CDH4: variants seen among roughly 807,000 people sequenced by gnomAD.
CDH4 encodes the protein cadherin-4.
In CDH4, 33 loss-of-function variants were observed where a neutral mutation model predicts 86.0. The observed-to-expected ratio is 0.38, with a 90% CI of 0.29 to 0.51. CDH4 has a LOEUF of 0.51. CDH4 is among the 20% of genes least tolerant of loss of function. CDH4 has a pLI of 0.86. For synonymous variants in CDH4, 555 were observed against 549.4 expected (o/e 1.01, Z -0.14); for missense variants, 1,114 against 1,307.4 (o/e 0.85, Z 2.28).
At chr20:61,332,420 G>A (rs1387865857) in intron 2 of CDH4, among the ~76,000 whole-genome samples, 1 of 152,216 alleles carries the variant, frequency 6.6e-6, no homozygotes, top group Non-Finnish European at 1.5e-5. Flanking sequence ...ACAGTGCAAG[G>A]ATTCGTGTGA....
At chr20:61,750,058 C>T (rs891971060) in intron 3 of CDH4, among the ~76,000 whole-genome samples, 3 of 148,434 alleles carry the variant, frequency 2.0e-5, no homozygotes, top group Non-Finnish European at 4.5e-5. Context: ...AAGACCCTAT[C>T]AAAAAAAAAG....
intron 2 of CDH4, among the ~76,000 whole-genome samples, chr20:61,562,418 A>G (rs2086226070): frequency 1.3e-5 from 2 of 151,368 alleles, no homozygotes; most frequent in South Asian, 2.1e-4. Context: ...CTTCGTGTGG[A>G]GAGGTGGACC....
chr20:61,661,493 A>T (rs868122020), intron 2 of CDH4, among the ~76,000 whole-genome samples: 2,638 of 36,080 alleles, frequency 0.073, 101 homozygotes, highest in African/African-American at 0.21. Context: ...TTTTTTTTTT[A>T]ACACTCATAC....
chr20:61,684,666 C>G lies in CDH4; in HGVS notation c.170-58897C>G, dbSNP rs1339513734. Among the ~76,000 whole-genome samples, 2 of 152,076 alleles carry G rather than the reference C, an allele frequency of 1.3e-5. No homozygotes were observed. ...TTTCTTGGGTAGTTTCATTTTATCT[C>G]AAAGTCTTACAAACCATCTTAGCGT... is the stretch of plus-strand genomic sequence containing the variant. On this transcript the variant is annotated intron_variant, in intron 2 of 15. Transcript: ENST00000614565. This position sits in a 1 kb window ranked among gnomAD's most constrained non-coding sequence, Gnocchi z 4.5.
In CDH4 at chr20:61,937,212, T is replaced by G. The variant is rs1342756866; in HGVS notation, c.*269T>G. ...CTTGAATTTCCTAGAACAGAAGCAC[T>G]GTTTTTAAAAAAAAAAAAAAAAAAA... On this transcript the variant is annotated 3_prime_UTR_variant, in exon 16 of 16. Coordinates refer to ENST00000614565, the MANE Select transcript of CDH4 (RefSeq NM_001794.5). The G allele has an allele frequency of 1.9e-5, 3 of 156,144 alleles. No individual in the cohort carries two copies. The highest frequency in any genetic ancestry group is 3.3e-5 in the Non-Finnish European group (3 of 89,854). 9.7% of individuals were successfully genotyped at this position (156,144 alleles called of 1,614,324 possible).
chr20:61,733,967 C>T (rs968061491), intron 2 of CDH4, among the ~76,000 whole-genome samples: 11 of 152,232 alleles, frequency 7.2e-5, no homozygotes, highest in African/African-American at 2.7e-4. Context: ...AGGCTCCTGC[C>T]GCAGAGGAAG....
chr20:61,542,005 A>G (rs2086043160), intron 2 of CDH4, among the ~76,000 whole-genome samples: 1 of 152,188 alleles, frequency 6.6e-6, no homozygotes, highest in Non-Finnish European at 1.5e-5. Flanking sequence ...CCACATGCCG[A>G]ACCATTTAAC....
At chr20:61,736,378 G>A (rs769531259) in intron 2 of CDH4, among the ~76,000 whole-genome samples, 9 of 152,128 alleles carry the variant, frequency 5.9e-5, no homozygotes, top group Non-Finnish European at 1.2e-4. Flanking sequence ...AGATGTCCAC[G>A]GAAGGGTCCT....
At chr20:61,791,023 G>C (rs528375607) in intron 4 of CDH4, among the ~76,000 whole-genome samples, 1 of 152,290 alleles carries the variant, frequency 6.6e-6, no homozygotes, top group South Asian at 2.1e-4. Flanking sequence ...AGGCCCCTAA[G>C]CCAGAACTCT....
intron 2 of CDH4, among the ~76,000 whole-genome samples, chr20:61,645,468 AT>A (rs1317805547): frequency 1.3e-5 from 2 of 151,400 alleles, no homozygotes; most frequent in Non-Finnish European, 3.0e-5. Flanking sequence ...CTCTACAAAA[AT>A]TTTTTTTAAA....
chr20:61,574,573 A>G lies in CDH4; in HGVS notation c.170-168990A>G, dbSNP rs573819637. ...GATCTTATTTAATTACAGAGAAAAA[A>G]AATGGTCTCAGTGTAAGTATAAAAA... On this transcript the variant is annotated intron_variant, in intron 2 of 15. Transcript: ENST00000614565. Among the ~76,000 whole-genome samples, 3 of 152,274 alleles carry G rather than the reference A, an allele frequency of 2.0e-5. No individual in the cohort carries two copies. In the East Asian group the frequency reaches 5.8e-4, roughly 29 times the overall value.
At chr20:61,298,186 G>A (rs1490782833) in intron 2 of CDH4, among the ~76,000 whole-genome samples, 2 of 152,228 alleles carry the variant, frequency 1.3e-5, no homozygotes, top group African/African-American at 4.8e-5. Context: ...TTTCCGGCCT[G>A]TGTCAGCGGC....
rs543566586 is a variant in CDH4, at chr20:61,363,094, C to T, written c.169+108157C>T. On this transcript the variant is annotated intron_variant, in intron 2 of 15. Transcript: ENST00000614565. The stretch of plus-strand genomic sequence containing the variant: ...CATCTCCTCATTCTGGTGAGCTGAA[C>T]CTGCTGCATCCGTGCCTTAGAATTG... Among the ~76,000 whole-genome samples, 7 of 152,256 alleles carry T rather than the reference C, an allele frequency of 4.6e-5. No homozygotes were observed. The East Asian group carries it at 1.4e-3, about 30-fold the overall frequency.
chr20:61,873,579 C>A, intron 6 of CDH4, 149 bp from the exon 7 acceptor site: 1 of 752,854 alleles, frequency 1.3e-6, no homozygotes, highest in Non-Finnish European at 2.2e-6. Flanking sequence ...GGTGCACTAA[C>A]ACCACCTCTG....
chr20:61,403,193 A>C (rs1043194808), intron 2 of CDH4, among the ~76,000 whole-genome samples: 4 of 152,222 alleles, frequency 2.6e-5, no homozygotes, highest in Non-Finnish European at 4.4e-5. Context: ...CAAGCTACAC[A>C]TGTACACAGC....
At chr20:61,570,730 G>A (rs777130874) in intron 2 of CDH4, 2 of 702,356 alleles carry the variant, frequency 2.8e-6, no homozygotes, top group Non-Finnish European at 2.6e-6. Flanking sequence ...ACGGAGGCAG[G>A]GAAAATGCAG....
At chr20:61,618,234 C>T (rs61610983) in intron 2 of CDH4, among the ~76,000 whole-genome samples, 311 of 152,094 alleles carry the variant, frequency 2.0e-3, no homozygotes, top group African/African-American at 7.0e-3. Context: ...AGCCAGTTTC[C>T]GCTGCCTCCT....
chr20:61,620,412 G>C (rs1405408732), intron 2 of CDH4, among the ~76,000 whole-genome samples: 2 of 151,830 alleles, frequency 1.3e-5, no homozygotes, highest in Non-Finnish European at 2.9e-5. Context: ...ATAGATAGAT[G>C]GATGATGGAT....
intron 2 of CDH4, among the ~76,000 whole-genome samples, chr20:61,649,575 G>A (rs1246281820): frequency 2.0e-5 from 3 of 152,136 alleles, no homozygotes; most frequent in African/African-American, 7.2e-5. Context: ...CAAGGAGCCC[G>A]GCACTGATGA....
Sources: gnomAD v4.1 joint callset for allele counts (sites outside exome capture counted in the v4.1 genomes callset) on GRCh38, gnomAD v4.1.1 for gene constraint, Gnocchi (gnomAD v3.1) non-coding constraint, MANE v1.5 for transcripts, NCBI Gene and HGNC (gene_info 2026-07-23, HGNC 2026-07-21) for gene names.